ZNF804B: variants seen among roughly 807,000 people sequenced by gnomAD.
The protein encoded by ZNF804B is zinc finger 804B.
Under a neutral mutation model 101.4 loss-of-function variants are expected in ZNF804B, and 80 were observed. That is an observed-to-expected ratio of 0.79 (90% confidence interval 0.66 to 0.95). The LOEUF (loss-of-function observed/expected upper bound fraction) is 0.95, where lower values mean the gene tolerates loss of function less well. ZNF804B is among the 40% of genes least tolerant of loss of function. ZNF804B has a pLI of 0.00. For missense variants in ZNF804B, 1,673 were observed against 1,561.9 expected (o/e 1.07, Z -1.20); for synonymous variants, 622 against 558.8 (o/e 1.11, Z -1.59).
At chr7:89,266,472 T>G (rs750835331) in intron 2 of ZNF804B, among the ~76,000 whole-genome samples, 18 of 152,128 alleles carry the variant, frequency 1.2e-4, no homozygotes, top group South Asian at 2.1e-4. Flanking sequence ...CTATCAATGA[T>G]TGTTTCCAGT....
chr7:88,785,445 A>G (rs187714384), intron 1 of ZNF804B, among the ~76,000 whole-genome samples: 1 of 152,194 alleles, frequency 6.6e-6, no homozygotes, highest in African/African-American at 2.4e-5. Flanking sequence ...CTTAAGGTGT[A>G]TCTATACAGT....
intron 1 of ZNF804B, among the ~76,000 whole-genome samples, chr7:89,054,027 A>G (rs1584097605): frequency 6.6e-6 from 1 of 152,058 alleles, no homozygotes; most frequent in Non-Finnish European, 1.5e-5. Flanking sequence ...CATTTTCACA[A>G]CTATAGCTAT....
chr7:88,930,402 C>G (rs1792865153), intron 1 of ZNF804B, among the ~76,000 whole-genome samples: 1 of 151,872 alleles, frequency 6.6e-6, no homozygotes, highest in African/African-American at 2.4e-5. Context: ...AAAAGGCAAC[C>G]TACTTCATCA....
chr7:88,999,037 C>T (rs2116167866), intron 1 of ZNF804B, among the ~76,000 whole-genome samples: 1 of 152,182 alleles, frequency 6.6e-6, no homozygotes, highest in South Asian at 2.1e-4. Context: ...AAGTTTACTT[C>T]ACTAGCTCTT....
At chr7:89,077,287 T>C (rs1789629468) in intron 1 of ZNF804B, among the ~76,000 whole-genome samples, 1 of 152,012 alleles carries the variant, frequency 6.6e-6, no homozygotes. Flanking sequence ...GGCAGAAGGG[T>C]AATTCGTTGA....
At chr7:88,926,941 A>C (rs62464067) in intron 1 of ZNF804B, among the ~76,000 whole-genome samples, 31 of 84,482 alleles carry the variant, frequency 3.7e-4, no homozygotes, top group South Asian at 8.8e-4. Flanking sequence ...GGTGGTGGGG[A>C]GCGGGGGGAA....
At chr7:88,855,689 T>C (rs985265129) in intron 1 of ZNF804B, among the ~76,000 whole-genome samples, 1 of 152,240 alleles carries the variant, frequency 6.6e-6, no homozygotes, top group Non-Finnish European at 1.5e-5. Flanking sequence ...CATGCCTATG[T>C]CCTGAATGGT....
chr7:89,334,115 C>A lies in ZNF804B; in HGVS notation c.1133C>A (p.Ala378Asp). 6.2e-7 allele frequency: 1 copy of A among 1,613,608 alleles called. No individual in the cohort carries two copies. The highest frequency in any genetic ancestry group is 8.5e-7 in the Non-Finnish European group (1 of 1,179,814). ...CCAAACATTTACAACCATAGTGATG[C>A]CAGGATATCTGAATGCCTGGATGAG... ...SPPNIYNHSDARISECLDEFS... is the reference protein window; with the variant it reads ...SPPNIYNHSDDRISECLDEFS... Residue 378 changes from alanine (A) to aspartate (D), a missense_variant, in exon 4 of 4, where the codon GCC (alanine) becomes GAC (aspartate). Ala to Asp is a moderately radical substitution (Grantham distance 126). Transcript: ENST00000333190.
chr7:88,844,303 A>G (rs1325128539), intron 1 of ZNF804B, among the ~76,000 whole-genome samples: 1 of 152,136 alleles, frequency 6.6e-6, no homozygotes, highest in East Asian at 1.9e-4. Context: ...TTTAAAGTTA[A>G]TTTGTTTAAA....
At chr7:89,103,544 C>T (rs1461632395) in intron 1 of ZNF804B, among the ~76,000 whole-genome samples, 1 of 151,564 alleles carries the variant, frequency 6.6e-6, no homozygotes, top group African/African-American at 2.4e-5. Context: ...ACCTTGAATG[C>T]TATTGGTGTA....
At chr7:89,013,175 C>A (rs910647062) in intron 1 of ZNF804B, among the ~76,000 whole-genome samples, 6 of 152,136 alleles carry the variant, frequency 3.9e-5, no homozygotes, top group African/African-American at 1.4e-4. Flanking sequence ...GGTAGGGACA[C>A]AGAGCCAAAC....
chr7:89,188,582 A>G (rs79790812), intron 1 of ZNF804B, among the ~76,000 whole-genome samples: 2,330 of 152,320 alleles, frequency 0.015, 49 homozygotes, highest in East Asian at 0.033. Context: ...ACTTGAATCA[A>G]ACAGTTAGCA....
intron 1 of ZNF804B, among the ~76,000 whole-genome samples, chr7:88,897,103 C>T (rs1446280297): frequency 6.6e-6 from 1 of 152,140 alleles, no homozygotes; most frequent in Non-Finnish European, 1.5e-5. Flanking sequence ...TGACTGATGC[C>T]ACCACTAAAG....
intron 1 of ZNF804B, among the ~76,000 whole-genome samples, chr7:88,963,945 G>C (rs887819783): frequency 6.6e-6 from 1 of 151,296 alleles, no homozygotes; most frequent in African/African-American, 2.4e-5. Flanking sequence ...AATCAGTAGG[G>C]AAATGCAAAT....
At chr7:88,979,465 T>G (rs188725804) in intron 1 of ZNF804B, among the ~76,000 whole-genome samples, 3 of 151,974 alleles carry the variant, frequency 2.0e-5, no homozygotes, top group African/African-American at 7.2e-5. Context: ...AGATAAAGGT[T>G]TTTTTCCCCT....
In ZNF804B at chr7:88,960,894, T is replaced by G. The variant is rs544143439; in HGVS notation, c.108+200810T>G. 4.2e-4 allele frequency among the ~76,000 whole-genome samples: 63 copies of G among 151,536 alleles called. 1 individual carries two copies. The highest frequency in any genetic ancestry group is 1.4e-3 in the African/African-American group (60 of 41,470). On this transcript the variant is annotated intron_variant, in intron 1 of 3. Coordinates refer to ENST00000333190, the MANE Select transcript of ZNF804B (RefSeq NM_181646.5). ...TTCAATTGCCTGTCAGTTTTCTGTT[T>G]AAACAGAAACAAACAAAAAGTTTGA... is the stretch of plus-strand genomic sequence containing the variant.
intron 1 of ZNF804B, among the ~76,000 whole-genome samples, chr7:88,912,145 A>G (rs1792558475): frequency 6.6e-6 from 1 of 152,034 alleles, no homozygotes; most frequent in African/African-American, 2.4e-5. Flanking sequence ...CATCAGAAAT[A>G]TATGAGAGTT....
At chr7:89,264,315 T>C (rs1177801936) in intron 2 of ZNF804B, among the ~76,000 whole-genome samples, 1 of 152,320 alleles carries the variant, frequency 6.6e-6, no homozygotes, top group East Asian at 1.9e-4. Flanking sequence ...TGTCTTCATT[T>C]TACAGCCAAT....
chr7:89,264,324 A>G (rs944999918), intron 2 of ZNF804B, among the ~76,000 whole-genome samples: 5 of 152,300 alleles, frequency 3.3e-5, no homozygotes, highest in African/African-American at 1.2e-4. Context: ...TTTACAGCCA[A>G]TCGTTGAGGG....
Sources: allele counts gnomAD v4.1 joint callset (sites outside exome capture counted in the v4.1 genomes callset), GRCh38; gene constraint gnomAD v4.1.1; transcripts MANE v1.5; gene names NCBI Gene and HGNC (gene_info 2026-07-23, HGNC 2026-07-21).